The following EXOC6 variants were observed in gnomAD, a reference collection of about 807,000 sequenced individuals.
The protein encoded by EXOC6 is exocyst complex component 6, also known as SEC15-like 1.
Under a neutral mutation model 112.5 loss-of-function variants are expected in EXOC6, and 60 were observed. The observed-to-expected ratio is 0.53, with a 90% CI of 0.43 to 0.66. EXOC6 has a LOEUF of 0.66. EXOC6 is among the 30% of genes least tolerant of loss of function. The probability of loss-of-function intolerance (pLI) is 0.00; values close to 1 mark genes in which losing one functional copy is unlikely to be tolerated. For missense variants in EXOC6, 855 were observed against 957.1 expected, an observed-to-expected ratio of 0.89 and a Z score of 1.41; for synonymous variants, 295 against 308.0, an observed-to-expected ratio of 0.96 and a Z score of 0.44.
intron 17 of EXOC6, among the ~76,000 whole-genome samples, chr10:92,967,735 A>G (rs1345581600): frequency 6.6e-6 from 1 of 152,214 alleles, no homozygotes; most frequent in East Asian, 1.9e-4. Context: ...AATGCAGCGA[A>G]AGATAGGAGC....
intron 17 of EXOC6, among the ~76,000 whole-genome samples, chr10:92,962,873 G>A (rs1854090465): frequency 6.6e-6 from 1 of 152,138 alleles, no homozygotes; most frequent in African/African-American, 2.4e-5. Flanking sequence ...TTTTCTAAAT[G>A]TTTCGAATTT....
At chr10:92,976,952 C>A (rs970967245) in intron 18 of EXOC6, among the ~76,000 whole-genome samples, 1 of 152,132 alleles carries the variant, frequency 6.6e-6, no homozygotes, top group Non-Finnish European at 1.5e-5. Flanking sequence ...CATACTCTTA[C>A]TAGGTATATC....
At chr10:92,879,466 CTAAAAGAGAAAA>C (rs1848842451) in intron 1 of EXOC6, among the ~76,000 whole-genome samples, 1 of 151,822 alleles carries the variant, frequency 6.6e-6, no homozygotes, top group African/African-American at 2.4e-5. Context: ...GACTCTGTCT[CTAAAAGAGAAAA>C]AAAAGCTCAT....
chr10:93,023,039 G>T (rs1844858782), intron 20 of EXOC6, among the ~76,000 whole-genome samples: 1 of 149,156 alleles, frequency 6.7e-6, no homozygotes, highest in African/African-American at 2.5e-5. Flanking sequence ...TTAATAGGGT[G>T]GTTGACAGTT....
intron 2 of EXOC6, among the ~76,000 whole-genome samples, 165 bp from the exon 3 acceptor site, chr10:92,894,629 G>A (rs566438951): frequency 4.3e-4 from 65 of 152,250 alleles, no homozygotes; most frequent in African/African-American, 1.5e-3. Flanking sequence ...GTTAACAAAA[G>A]CCCTTTTCAA....
chr10:93,048,236 A>G (rs1478080700), intron 20 of EXOC6, among the ~76,000 whole-genome samples: 1 of 151,836 alleles, frequency 6.6e-6, no homozygotes, highest in Non-Finnish European at 1.5e-5. Flanking sequence ...CACGTTGTAC[A>G]CATGTACCCT....
chr10:92,900,528 TAAAC>T (rs760581334), intron 5 of EXOC6: 3 of 152,172 alleles, frequency 2.0e-5, no homozygotes, highest in Non-Finnish European at 4.4e-5. Flanking sequence ...TTCCCTGTAA[TAAAC>T]AAGCCAAAAA....
At chr10:92,906,580 T>C (rs920680819) in intron 5 of EXOC6, among the ~76,000 whole-genome samples, 33 of 152,190 alleles carry the variant, frequency 2.2e-4, no homozygotes, top group Non-Finnish European at 8.8e-5. Flanking sequence ...GTTTAACATA[T>C]AGGGAAATTT....
chr10:92,895,776 T>C (rs748311355), intron 4 of EXOC6, among the ~76,000 whole-genome samples: 4 of 150,854 alleles, frequency 2.7e-5, no homozygotes, highest in Non-Finnish European at 5.9e-5. Flanking sequence ...CATAGCTCAC[T>C]GCAGCCTTGA....
chr10:92,875,053 C>T (rs1848623407), intron 1 of EXOC6, among the ~76,000 whole-genome samples: 1 of 152,256 alleles, frequency 6.6e-6, no homozygotes, highest in Admixed American at 6.5e-5. Flanking sequence ...TGTTTGTGCA[C>T]TTTCCTAGGG....
At chr10:92,841,498 T>G (rs1846849707) in intron 1 of EXOC6, among the ~76,000 whole-genome samples, 1 of 152,082 alleles carries the variant, frequency 6.6e-6, no homozygotes, top group Non-Finnish European at 1.5e-5. Flanking sequence ...AAAAATGGAG[T>G]CCAGAGAAAT....
chr10:93,052,030 T>C (rs760895445), intron 20 of EXOC6, among the ~76,000 whole-genome samples: 4 of 152,176 alleles, frequency 2.6e-5, no homozygotes, highest in African/African-American at 4.8e-5. Context: ...GTATCCCCAA[T>C]TGCTTTTCTC....
At chr10:92,861,890 A>C (rs1309705949) in intron 1 of EXOC6, among the ~76,000 whole-genome samples, 1 of 152,220 alleles carries the variant, frequency 6.6e-6, no homozygotes, top group Admixed American at 6.5e-5. Context: ...TTGTGGAATT[A>C]GGGTTGTTTC....
At chr10:92,861,928 C>T (rs1847930361) in intron 1 of EXOC6, among the ~76,000 whole-genome samples, 1 of 152,192 alleles carries the variant, frequency 6.6e-6, no homozygotes, top group African/African-American at 2.4e-5. Flanking sequence ...TGGATTTCCT[C>T]ACACTTTTAT....
chr10:93,006,418 C>T (rs1843984952), intron 19 of EXOC6, among the ~76,000 whole-genome samples: 1 of 152,100 alleles, frequency 6.6e-6, no homozygotes, highest in South Asian at 2.1e-4. Context: ...GATACCTAAC[C>T]TATCTGATGG....
intron 17 of EXOC6, among the ~76,000 whole-genome samples, chr10:92,961,101 A>T (rs11816069): frequency 0.011 from 1,623 of 152,248 alleles, 33 homozygotes; most frequent in African/African-American, 0.037. Flanking sequence ...ATGAGGTATT[A>T]TTGGCAGTTT....
At chr10:92,991,350 C>A (rs1028893344) in intron 18 of EXOC6, among the ~76,000 whole-genome samples, 3 of 150,520 alleles carry the variant, frequency 2.0e-5, no homozygotes, top group Non-Finnish European at 4.4e-5. Context: ...GCATAAGAAT[C>A]GCTTGAACCT....
rs541862921 is a variant in EXOC6 at position 92,904,753 on chromosome 10, G to A, written c.459-4674G>A. On this transcript the variant is annotated intron_variant, in intron 5 of 21. Transcript: ENST00000260762. ...GGCTTGTTTTTTCATTTTCTTAACA[G>A]TGTTTTTAAAGAGTAGGAAGTTTTA... Among the ~76,000 whole-genome samples the A allele has an allele frequency of 3.3e-4, 50 of 152,058 alleles. 2 individuals carry two copies. In the South Asian group the frequency reaches 0.01, roughly 32 times the overall value.
chr10:92,951,925 C>G (rs1293992571), intron 14 of EXOC6, among the ~76,000 whole-genome samples: 1 of 152,170 alleles, frequency 6.6e-6, no homozygotes, highest in Non-Finnish European at 1.5e-5. Flanking sequence ...CATGGCCACC[C>G]TGACTCTTGT....
Sources: gnomAD v4.1 joint callset for allele counts (sites outside exome capture counted in the v4.1 genomes callset) on GRCh38, gnomAD v4.1.1 for gene constraint, MANE v1.5 for transcripts, NCBI Gene and HGNC (gene_info 2026-07-23, HGNC 2026-07-21) for gene names.